MCOLN2: variants seen among roughly 807,000 people sequenced by gnomAD.
MCOLN2 encodes mucolipin TRP cation channel 2.
Under a neutral mutation model 67.5 loss-of-function variants are expected in MCOLN2, and 57 were observed. That is an observed-to-expected ratio of 0.84 (90% CI 0.68 to 1.05). The LOEUF (loss-of-function observed/expected upper bound fraction) is 1.05. MCOLN2 is among the 50% of genes least tolerant of loss of function. The pLI, the probability that MCOLN2 is intolerant of heterozygous loss-of-function variation, is 0.00. For missense variants in MCOLN2, 620 were observed against 678.8 expected, an observed-to-expected ratio of 0.91 and a Z score of 0.96; for synonymous variants, 246 against 233.3, an observed-to-expected ratio of 1.05 and a Z score of -0.50.
intron 1 of MCOLN2, among the ~76,000 whole-genome samples, chr1:84,968,435 A>G (rs1450333323): frequency 6.6e-6 from 1 of 152,184 alleles, no homozygotes; most frequent in Non-Finnish European, 1.5e-5. Context: ...AACTTATAAA[A>G]CACAATGACA....
intron 2 of MCOLN2, among the ~76,000 whole-genome samples, chr1:84,961,973 A>T (rs911999021): frequency 3.3e-5 from 5 of 152,156 alleles, no homozygotes; most frequent in Admixed American, 2.0e-4. Flanking sequence ...CAGGAATTTT[A>T]AAAAAATTTT....
rs748798084 is a variant in MCOLN2 at position 84,939,649 on chromosome 1, G to A, written c.1014C>T (p.Asp338=). Reference sequence around the variant, plus strand: ...ACCAGCCGTTGATGAACTCCCACTGGTCGGTGTCACACACAGGCCGCTTGT... The same window carrying A: ...ACCAGCCGTTGATGAACTCCCACTGATCGGTGTCACACACAGGCCGCTTGT... The part of the protein sequence containing the change: ...EKYKRPVCDT[D]QWEFINGWYV... The change falls in exon 9 of 14, where the codon GAC becomes GAT. Residue 338 remains aspartate (D), a synonymous_variant. Coordinates refer to ENST00000370608, the MANE Select transcript of MCOLN2 (RefSeq NM_153259.4). 4 of 1,614,050 alleles carry A rather than the reference G, an allele frequency of 2.5e-6. No individual in the cohort carries two copies. In the East Asian group the frequency reaches 6.7e-5, roughly 27 times the overall value.
chr1:84,933,497 T>C (rs1647272402), intron 11 of MCOLN2, among the ~76,000 whole-genome samples: 1 of 152,246 alleles, frequency 6.6e-6, no homozygotes, highest in East Asian at 1.9e-4. Flanking sequence ...AATATGTAGA[T>C]TATTTAACAG....
rs762849988 is a variant in MCOLN2 at position 84,956,468 on chromosome 1, A to G, written c.528T>C (p.Ser176=). 1 of 1,611,428 alleles carries G rather than the reference A, an allele frequency of 6.2e-7. No individual in the cohort carries two copies. Among genetic ancestry groups the G allele is most frequent in the Non-Finnish European group, 8.5e-7 (1 of 1,179,170 alleles). The change falls in exon 4 of 14, where the codon TCT becomes TCC. Residue 176 remains serine, a synonymous_variant. Coordinates refer to ENST00000370608, the MANE Select transcript of MCOLN2 (RefSeq NM_153259.4). The stretch of plus-strand genomic sequence containing the variant: ...CGTTGTCAATATTCAGTGTCTCATT[A>G]GAAGGAAACATGGTCCCTTTCTTGT... ...QHYKKGTMFP[S]NETLNIDNDV...
chr1:84,947,692 A>G (rs981719303), intron 6 of MCOLN2, among the ~76,000 whole-genome samples: 2 of 152,202 alleles, frequency 1.3e-5, no homozygotes, highest in African/African-American at 4.8e-5. Flanking sequence ...GGAAGCACAC[A>G]TTGCGCACTC....
chr1:84,987,416 G>GTATA (rs1650582309), intron 1 of MCOLN2, among the ~76,000 whole-genome samples: 1 of 115,160 alleles, frequency 8.7e-6, no homozygotes, highest in African/African-American at 3.8e-5. Context: ...ATTTATATAT[G>GTATA]TATATACCTA....
chr1:84,988,520 C>CT (rs1650729231), intron 1 of MCOLN2, among the ~76,000 whole-genome samples: 1 of 152,098 alleles, frequency 6.6e-6, no homozygotes, highest in Non-Finnish European at 1.5e-5. Context: ...CTAAAGTATA[C>CT]TTTGAGTTCC....
At chr1:84,990,297 CAAAAAAAAAA>C (rs34226507) in intron 1 of MCOLN2, among the ~76,000 whole-genome samples, 3 of 34,956 alleles carry the variant, frequency 8.6e-5, no homozygotes, top group African/African-American at 2.2e-4. Context: ...GACTCCATCT[CAAAAAAAAAA>C]AAAAAAAAAA....
chr1:84,977,504 C>T (rs1650050601), intron 1 of MCOLN2, among the ~76,000 whole-genome samples: 1 of 151,752 alleles, frequency 6.6e-6, no homozygotes, highest in South Asian at 2.1e-4. Context: ...TACACTTCAC[C>T]TATAAAGACA....
At chr1:84,969,146 T>A (rs1174461630) in intron 1 of MCOLN2, among the ~76,000 whole-genome samples, 1 of 152,246 alleles carries the variant, frequency 6.6e-6, no homozygotes, top group Non-Finnish European at 1.5e-5. Context: ...TATTCTTCAC[T>A]GTATCCCTTG....
chr1:84,938,703 C>T (rs1647575868), intron 9 of MCOLN2, among the ~76,000 whole-genome samples: 1 of 152,182 alleles, frequency 6.6e-6, no homozygotes, highest in African/African-American at 2.4e-5. Flanking sequence ...TGAACAAAGG[C>T]ACAATGCTGA....
chr1:84,954,041 C>A (rs1229461342), intron 4 of MCOLN2, among the ~76,000 whole-genome samples: 4 of 152,230 alleles, frequency 2.6e-5, no homozygotes, highest in Non-Finnish European at 5.9e-5. Context: ...TGCAACTCTT[C>A]ATTTGCTTAT....
intron 11 of MCOLN2, 193 bp downstream of exon 11, chr1:84,937,562 T>C: frequency 1.5e-6 from 2 of 1,356,454 alleles, no homozygotes; most frequent in Non-Finnish European, 1.9e-6. Context: ...TGTACAGTTC[T>C]TGTTTCAATA....
At chr1:84,948,172 C>T (rs148738692) in intron 6 of MCOLN2, among the ~76,000 whole-genome samples, 1 of 152,344 alleles carries the variant, frequency 6.6e-6, no homozygotes, top group East Asian at 1.9e-4. Flanking sequence ...AGCAATTGCC[C>T]CTACCCAGTT....
chr1:84,978,580 C>T (rs1650105734), intron 1 of MCOLN2, among the ~76,000 whole-genome samples: 1 of 152,190 alleles, frequency 6.6e-6, no homozygotes, highest in South Asian at 2.1e-4. Flanking sequence ...CTATGAGCAA[C>T]TATATACCAA....
intron 1 of MCOLN2, chr1:84,971,859 C>A (rs1649706989): frequency 1.3e-5 from 2 of 152,084 alleles, no homozygotes; most frequent in African/African-American, 2.4e-5. Flanking sequence ...GACAGGAGTT[C>A]AAGACCAGCC....
At chr1:84,946,623 C>A (rs767968468) in intron 7 of MCOLN2, among the ~76,000 whole-genome samples, 1 of 152,154 alleles carries the variant, frequency 6.6e-6, no homozygotes, top group Non-Finnish European at 1.5e-5. Context: ...TGTCAGTGCT[C>A]AAATGTTTCA....
intron 7 of MCOLN2, 99 bp downstream of exon 7, chr1:84,946,934 C>T (rs1217175087): frequency 1.1e-5 from 7 of 642,016 alleles, no homozygotes. Context: ...GGTTTTCTTC[C>T]TATTATCATG....
rs144091503 is a variant in MCOLN2 at position 84,960,701 on chromosome 1, G to A, written c.238-1999C>T. Among the ~76,000 whole-genome samples the A allele has an allele frequency of 9.5e-3, 1,454 of 152,284 alleles. 28 individuals carry two copies. The highest frequency in any genetic ancestry group is 0.033 in the African/African-American group (1,384 of 41,554). ...GGTGCCTGTAGGAGAAGCCAGAAAA[G>A]GTCATGTTGCTCTTGAAAGCTAAAA... On this transcript the variant is annotated intron_variant, in intron 2 of 13. Coordinates refer to ENST00000370608, the MANE Select transcript of MCOLN2 (RefSeq NM_153259.4).
Sources: allele counts gnomAD v4.1 joint callset (sites outside exome capture counted in the v4.1 genomes callset), GRCh38; gene constraint gnomAD v4.1.1; transcripts MANE v1.5; gene names NCBI Gene and HGNC (gene_info 2026-07-23, HGNC 2026-07-21).